METTL15: variants seen among roughly 807,000 people sequenced by gnomAD.
METTL15 encodes the protein methyltransferase 15, mitochondrial 12S rRNA N4-cytidine.
Under a neutral mutation model 38.3 loss-of-function variants are expected in METTL15, and 34 were observed. That is an observed-to-expected ratio of 0.89 (90% CI 0.68 to 1.18). The LOEUF (loss-of-function observed/expected upper bound fraction) is 1.18, where lower values mean the gene tolerates loss of function less well. METTL15 is among the 50% of genes most tolerant of loss of function. The probability of loss-of-function intolerance (pLI) is 0.00; values close to 1 mark genes in which losing one functional copy is unlikely to be tolerated. For missense variants in METTL15, 438 were observed against 498.4 expected (o/e 0.88, Z 1.15); for synonymous variants, 162 against 170.9 (o/e 0.95, Z 0.41).
chr11:28,393,721 T>C (rs1193818200), intron 5 of METTL15, among the ~76,000 whole-genome samples: 1 of 152,044 alleles, frequency 6.6e-6, no homozygotes, highest in African/African-American at 2.4e-5. Context: ...CCCTTGGAAA[T>C]TACACACCAT....
chr11:28,488,113 A>T (rs1851453122), intron 6 of METTL15, among the ~76,000 whole-genome samples: 1 of 151,764 alleles, frequency 6.6e-6, no homozygotes, highest in Non-Finnish European at 1.5e-5. Flanking sequence ...CTCAGCAATG[A>T]AAATATGCTT....
intron 6 of METTL15, among the ~76,000 whole-genome samples, chr11:28,511,407 G>A (rs894885242): frequency 7.9e-5 from 12 of 152,220 alleles, no homozygotes; most frequent in Admixed American, 3.3e-4. Flanking sequence ...AAGAGAAAAT[G>A]TGTTTACTAT....
intron 5 of METTL15, among the ~76,000 whole-genome samples, chr11:28,399,779 A>G (rs1850612772): frequency 6.6e-6 from 1 of 151,914 alleles, no homozygotes; most frequent in South Asian, 2.1e-4. Flanking sequence ...AAAAATCTTT[A>G]TGTATAATTT....
At chr11:28,289,740 GA>G (rs1476907817) in intron 4 of METTL15, among the ~76,000 whole-genome samples, 2 of 152,158 alleles carry the variant, frequency 1.3e-5, no homozygotes, top group East Asian at 3.9e-4. Context: ...TAATTTATAG[GA>G]AAAACATGGA....
chr11:28,140,694 C>G (rs543788251), intron 3 of METTL15, among the ~76,000 whole-genome samples: 56 of 152,248 alleles, frequency 3.7e-4, no homozygotes, highest in Admixed American at 5.2e-4. Flanking sequence ...AAGGAAAGCT[C>G]TCAGCAAAAA....
chr11:28,117,259 G>GTGTGTGTGTGTGTATATATA (rs1353342377), intron 3 of METTL15, among the ~76,000 whole-genome samples: 1 of 108,588 alleles, frequency 9.2e-6, no homozygotes, highest in African/African-American at 3.6e-5. Context: ...GTGTGTGTGT[G>GTGTGTGTGTGTGTATATATA]TATATATATA....
rs1850695991 is a variant in METTL15 at position 28,408,476 on chromosome 11, C to G, written c.*359-15823C>G. On this transcript the variant is annotated intron_variant and NMD_transcript_variant, in intron 5 of 7. Transcript: ENST00000532947. Reference sequence around the variant, plus strand: ...CACAACCTTCACTCCACCATTTCCACTTCAGAAATCATTATAAGGAAATAA... The same window carrying G: ...CACAACCTTCACTCCACCATTTCCAGTTCAGAAATCATTATAAGGAAATAA... Among the ~76,000 whole-genome samples, 5 of 152,188 alleles carry G rather than the reference C, an allele frequency of 3.3e-5. No individual in the cohort carries two copies. The South Asian group carries it at 1.0e-3, about 32-fold the overall frequency.
intron 3 of METTL15, among the ~76,000 whole-genome samples, chr11:28,173,056 G>A (rs1850916129): frequency 6.6e-6 from 1 of 151,976 alleles, no homozygotes. Flanking sequence ...AAAGTCTCTA[G>A]CATATTTTAA....
At chr11:28,189,920 A>T (rs1851639806) in intron 3 of METTL15, among the ~76,000 whole-genome samples, 2 of 151,290 alleles carry the variant, frequency 1.3e-5, no homozygotes, top group African/African-American at 4.8e-5. Flanking sequence ...AAATTCATTG[A>T]AACAGACTTC....
rs747357754 is a variant in METTL15, at chr11:28,122,183, A to G, written c.270+8579A>G. The G allele has an allele frequency of 1.1e-5, 14 of 1,244,370 alleles. 1 individual carries two copies. In the South Asian group the frequency reaches 2.0e-4, roughly 18 times the overall value. 77.1% of individuals were successfully genotyped at this position (1,244,370 alleles called of 1,614,324 possible). On this transcript the variant is annotated intron_variant, in intron 3 of 6. Coordinates refer to ENST00000407364, the MANE Select transcript of METTL15 (RefSeq NM_001113528.2). ...GTGTGGGAATATGAATCCTACAGGT[A>G]AATTTAACATTTTTTTAAAATGAGA...
At chr11:28,257,796 A>T (rs1213651189) in intron 4 of METTL15, among the ~76,000 whole-genome samples, 1 of 152,116 alleles carries the variant, frequency 6.6e-6, no homozygotes, top group African/African-American at 2.4e-5. Flanking sequence ...TCTGTGTGTT[A>T]TCTTGAATTT....
intron 6 of METTL15, among the ~76,000 whole-genome samples, chr11:28,300,914 C>T (rs1856890629): frequency 6.6e-6 from 1 of 152,128 alleles, no homozygotes; most frequent in Non-Finnish European, 1.5e-5. Context: ...TTCTTCATCA[C>T]CTCTAATAAA....
chr11:28,460,742 G>A (rs1393063037), intron 6 of METTL15, among the ~76,000 whole-genome samples: 1 of 151,884 alleles, frequency 6.6e-6, no homozygotes, highest in Non-Finnish European at 1.5e-5. Context: ...AGAAGAGTGA[G>A]GGGCTAAATA....
At chr11:28,280,532 C>A (rs1003457019) in intron 4 of METTL15, among the ~76,000 whole-genome samples, 3 of 151,842 alleles carry the variant, frequency 2.0e-5, no homozygotes, top group Non-Finnish European at 4.4e-5. Context: ...TTTCTTTAAT[C>A]TGTGGTTTGC....
At chr11:28,247,715 G>A (rs895577432) in intron 4 of METTL15, among the ~76,000 whole-genome samples, 3 of 152,078 alleles carry the variant, frequency 2.0e-5, no homozygotes, top group East Asian at 3.8e-4. Context: ...GGTTGCTGAT[G>A]TCTTTGTCCC....
intron 6 of METTL15, chr11:28,519,095 A>G (rs1851742749): frequency 6.6e-6 from 1 of 152,266 alleles, no homozygotes; most frequent in Non-Finnish European, 1.5e-5. Flanking sequence ...GATGGACATC[A>G]GAAATATTTG....
intron 5 of METTL15, among the ~76,000 whole-genome samples, chr11:28,406,763 A>G (rs1387119795): frequency 6.6e-6 from 1 of 152,118 alleles, no homozygotes; most frequent in African/African-American, 2.4e-5. Context: ...GTCTTGTGCC[A>G]GTTTCCAAGG....
At chr11:28,142,928 G>C (rs1849748627) in intron 3 of METTL15, among the ~76,000 whole-genome samples, 1 of 152,030 alleles carries the variant, frequency 6.6e-6, no homozygotes, top group African/African-American at 2.4e-5. Flanking sequence ...TGAAAGAGAT[G>C]GTGGTAGTTT....
intron 6 of METTL15, among the ~76,000 whole-genome samples, chr11:28,502,818 G>A (rs1851595928): frequency 6.6e-6 from 1 of 152,106 alleles, no homozygotes; most frequent in Non-Finnish European, 1.5e-5. Flanking sequence ...CAGAACTTAT[G>A]GGTCTTCTGT....
Sources: gnomAD v4.1 joint callset for allele counts (sites outside exome capture counted in the v4.1 genomes callset) on GRCh38, gnomAD v4.1.1 for gene constraint, MANE v1.5 for transcripts, NCBI Gene and HGNC (gene_info 2026-07-23, HGNC 2026-07-21) for gene names.